C5orf24: variants seen among roughly 807,000 people sequenced by gnomAD.
The protein encoded by C5orf24 is chromosome 5 open reading frame 24.
A neutral mutation model predicts 9.8 loss-of-function variants in C5orf24; 4 were observed. The observed-to-expected ratio is 0.41, with a 90% CI of 0.20 to 0.93. The LOEUF is 0.93. Among genes scored for constraint, C5orf24 ranks in the 40% least tolerant of loss-of-function variants. The pLI is 0.33. For synonymous variants in C5orf24, 73 were observed against 81.3 expected (o/e 0.90, Z 0.55); for missense variants, 170 against 236.9 (o/e 0.72, Z 1.85).
the C5orf24 span, among the ~76,000 whole-genome samples, chr5:134,840,530 G>A: frequency 4.0e-5 from 6 of 151,810 alleles, no homozygotes; most frequent in African/African-American, 1.2e-4. Flanking sequence ...GTGAACTACC[G>A]TGCCTGGTTT....
In C5orf24 at chr5:134,857,063, C is replaced by G. The variant is rs1756334375; in HGVS notation, c.*1596C>G. 1 of 1,119,028 alleles carries G rather than the reference C, an allele frequency of 8.9e-7. No individual in the cohort carries two copies. Among genetic ancestry groups the G allele is most frequent in the Non-Finnish European group, 1.1e-6 (1 of 903,000 alleles). The allele number at this position is 1,119,028 out of a possible 1,614,324, so 69.3% of individuals were successfully genotyped here. A position where few individuals can be genotyped will look rare whatever the true frequency, so the allele number is the denominator to read the frequency against. On this transcript the variant is annotated 3_prime_UTR_variant, in exon 2 of 2. Coordinates refer to ENST00000394976, the MANE Select transcript of C5orf24 (RefSeq NM_001135586.1). ...ATGTATAGTAGGGACAGAGGGAAAT[C>G]TTTCTTCTTTCCTTTCTGAAAGTAA...
At chr5:134,851,940 A>T (rs891483119) in intron 1 of C5orf24, among the ~76,000 whole-genome samples, 4 of 152,050 alleles carry the variant, frequency 2.6e-5, no homozygotes, top group Non-Finnish European at 4.4e-5. Flanking sequence ...GATAATTAAT[A>T]ATCTAGTCCT....
Position 134,857,642 on chromosome 5 carries a change from C to T in C5orf24, c.*2175C>T. On this transcript the variant is annotated 3_prime_UTR_variant, in exon 2 of 2. Transcript: ENST00000394976. ...TAATAATTTACTCAGAACAGTATAA[C>T]TTCTGACACACACAAATGCTTGCCT... is the stretch of plus-strand genomic sequence containing the variant. The T allele has an allele frequency of 2.6e-6, 1 of 391,792 alleles. No homozygotes were observed. Among genetic ancestry groups the T allele is most frequent in the Non-Finnish European group, 4.6e-6 (1 of 219,080 alleles). The allele number at this position is 391,792 out of a possible 1,614,324, so 24.3% of individuals were successfully genotyped here.
At chr5:134,850,937 T>TATATATACACACACAC (rs762710710) in intron 1 of C5orf24, among the ~76,000 whole-genome samples, 1 of 146,992 alleles carries the variant, frequency 6.8e-6, no homozygotes, top group African/African-American at 2.5e-5. Context: ...TATATATATA[T>TATATATACACACACAC]ACACACACAC....
intron 1 of C5orf24, among the ~76,000 whole-genome samples, chr5:134,848,957 CA>C (rs1158688168): frequency 0.16 from 11,699 of 74,752 alleles, 612 homozygotes; most frequent in East Asian, 0.33. Flanking sequence ...AACTCCGTCT[CA>C]AAAAAAAAAA....
In C5orf24 at chr5:134,853,090, G is replaced by A. The variant is rs190027049; in HGVS notation, c.-3-1808G>A. Reference sequence around the variant, plus strand: ...TGAGGCAGGAGAATGGCGTGAACCCGGGAGGCAGAGGTTGCAGTGAGCTGA... The same window carrying A: ...TGAGGCAGGAGAATGGCGTGAACCCAGGAGGCAGAGGTTGCAGTGAGCTGA... On this transcript the variant is annotated intron_variant, in intron 1 of 1. Transcript: ENST00000394976. Among the ~76,000 whole-genome samples the A allele has an allele frequency of 3.7e-3, 558 of 150,518 alleles. 3 individuals carry two copies. The highest frequency in any genetic ancestry group is 0.013 in the African/African-American group (534 of 40,916).
At position 134,856,184 on chromosome 5, in the gene C5orf24, A is replaced by G; in HGVS notation, c.*717A>G. On this transcript the variant is annotated 3_prime_UTR_variant, in exon 2 of 2. Transcript: ENST00000394976. Reference sequence around the variant, plus strand: ...CACTACAAACAATTCATATTTACAGAAAATTTAAACTATTTTATAAAAACT... The same window carrying G: ...CACTACAAACAATTCATATTTACAGGAAATTTAAACTATTTTATAAAAACT... The G allele has an allele frequency of 1.0e-6, 1 of 996,506 alleles. No homozygotes were observed. The highest frequency in any genetic ancestry group is 1.2e-6 in the Non-Finnish European group (1 of 826,550). 61.7% of individuals were successfully genotyped at this position (996,506 alleles called of 1,614,324 possible).
At chr5:134,839,395 T>A in the C5orf24 span, among the ~76,000 whole-genome samples, 4 of 152,140 alleles carry the variant, frequency 2.6e-5, no homozygotes, top group Non-Finnish European at 4.4e-5. Flanking sequence ...TAAATACTTG[T>A]TGAATTGTTT....
intron 1 of C5orf24, among the ~76,000 whole-genome samples, chr5:134,853,677 A>G (rs556685443): frequency 1.3e-5 from 2 of 152,104 alleles, no homozygotes; most frequent in African/African-American, 2.4e-5. Flanking sequence ...CTGTTCTTTA[A>G]TAAGTCACAG....
chr5:134,843,165 C>T (rs965204995), upstream of C5orf24, among the ~76,000 whole-genome samples: 4 of 151,832 alleles, frequency 2.6e-5, no homozygotes, highest in Non-Finnish European at 4.4e-5. Context: ...TTACTAGATA[C>T]GAGGTTTCGT....
chr5:134,836,605 G>A, the C5orf24 span, among the ~76,000 whole-genome samples: 4 of 151,958 alleles, frequency 2.6e-5, no homozygotes, highest in Admixed American at 1.3e-4. Flanking sequence ...GTGCAGTGGC[G>A]CAATCTTGGC....
chr5:134,857,640 A>G lies in C5orf24; in HGVS notation c.*2173A>G. 5.1e-6 allele frequency: 2 copies of G among 395,090 alleles called. No homozygotes were observed. Among genetic ancestry groups the G allele is most frequent in the Non-Finnish European group, 9.0e-6 (2 of 221,246 alleles). The allele number at this position is 395,090 out of a possible 1,614,324, so 24.5% of individuals were successfully genotyped here. On this transcript the variant is annotated 3_prime_UTR_variant, in exon 2 of 2. Coordinates refer to ENST00000394976, the MANE Select transcript of C5orf24 (RefSeq NM_001135586.1). ...TTTAATAATTTACTCAGAACAGTAT[A>G]ACTTCTGACACACACAAATGCTTGC...
At chr5:134,834,108 T>C in the C5orf24 span, among the ~76,000 whole-genome samples, 4 of 152,218 alleles carry the variant, frequency 2.6e-5, no homozygotes, top group Non-Finnish European at 4.4e-5. Context: ...AAAAAACTAA[T>C]CATTTTTAAT....
At position 134,855,649 on chromosome 5, in the gene C5orf24, A is replaced by G; in HGVS notation, c.*182A>G. 2 of 1,460,472 alleles carry G rather than the reference A, an allele frequency of 1.4e-6. No individual in the cohort carries two copies. The highest frequency in any genetic ancestry group is 1.8e-6 in the Non-Finnish European group (2 of 1,110,386). 90.5% of individuals were successfully genotyped at this position (1,460,472 alleles called of 1,614,324 possible). ...TGCTGACAGATGCACTCAGGGCATG[A>G]GCAGCGGCATTGTATTTGTACATAG... On this transcript the variant is annotated 3_prime_UTR_variant, in exon 2 of 2. Transcript: ENST00000394976.
chr5:134,843,809 C>G (rs546427682), upstream of C5orf24, among the ~76,000 whole-genome samples: 3 of 152,220 alleles, frequency 2.0e-5, no homozygotes. Flanking sequence ...CCCGCCTTGG[C>G]CTCCCAAAGT....
At chr5:134,845,646 A>G (rs1408390027), upstream of C5orf24, 3 of 152,292 alleles carry the variant, frequency 2.0e-5, no homozygotes, top group South Asian at 2.1e-4. Context: ...AAGAGTCCCA[A>G]CTCCCCTGAC....
In C5orf24 at chr5:134,855,012, C is replaced by A; in HGVS notation, c.112C>A (p.Gln38Lys). ...AADQFDIYSS[Q>K]QSKYSHTVNH... Reference sequence around the variant, plus strand: ...TGATCAGTTTGACATATATTCCTCCCAGCAAAGCAAATACAGCCACACAGT... The same window carrying A: ...TGATCAGTTTGACATATATTCCTCCAAGCAAAGCAAATACAGCCACACAGT... Residue 38 changes from glutamine (Q) to lysine (K), a missense_variant, in exon 2 of 2, where the codon CAG becomes AAG. Physicochemically the swap from Gln to Lys is moderately conservative, Grantham distance 53. Coordinates refer to ENST00000394976, the MANE Select transcript of C5orf24 (RefSeq NM_001135586.1). The A allele has an allele frequency of 1.2e-6, 2 of 1,614,142 alleles. No homozygotes were observed. Among genetic ancestry groups the A allele is most frequent in the Non-Finnish European group, 1.7e-6 (2 of 1,180,042 alleles).
At chr5:134,843,829 A>T (rs967145103), upstream of C5orf24, among the ~76,000 whole-genome samples, 2 of 152,250 alleles carry the variant, frequency 1.3e-5, no homozygotes, top group Non-Finnish European at 2.9e-5. Flanking sequence ...TGCTGGGATT[A>T]TAGGCATGAG....
chr5:134,842,888 T>C (rs1341525453), upstream of C5orf24, among the ~76,000 whole-genome samples: 1 of 152,222 alleles, frequency 6.6e-6, no homozygotes, highest in Non-Finnish European at 1.5e-5. Flanking sequence ...CACCAATTCA[T>C]GTCTGGCACT....
Sources: allele counts gnomAD v4.1 joint callset (sites outside exome capture counted in the v4.1 genomes callset), GRCh38; gene constraint gnomAD v4.1.1; transcripts MANE v1.5; gene names NCBI Gene and HGNC (gene_info 2026-07-23, HGNC 2026-07-21).